Variants in HECW1 observed in about 807,000 individuals in gnomAD.
The protein encoded by HECW1 is HECT, C2 and WW domain containing E3 ubiquitin protein ligase 1, also known as E3 ubiquitin-protein ligase HECW1.
Under a neutral mutation model 182.3 loss-of-function variants are expected in HECW1, and 61 were observed. That is an observed-to-expected ratio of 0.33 (90% CI 0.27 to 0.41). The LOEUF (loss-of-function observed/expected upper bound fraction) is 0.41. Among genes scored for constraint, HECW1 ranks in the 10% least tolerant of loss-of-function variants. HECW1 has a pLI of 1.00. For missense variants in HECW1, 1,739 were observed against 2,108.9 expected (o/e 0.82, Z 3.44); for synonymous variants, 859 against 832.6 (o/e 1.03, Z -0.55).
chr7:43,558,039 G>A (rs115649153), intron 29 of HECW1, among the ~76,000 whole-genome samples: 2,131 of 152,298 alleles, frequency 0.014, 39 homozygotes, highest in African/African-American at 0.049. Context: ...GTCCATCCAC[G>A]TCACAGCGTG....
intron 17 of HECW1, 56 bp downstream of exon 17, chr7:43,479,800 C>A: frequency 6.2e-7 from 1 of 1,601,462 alleles, no homozygotes; most frequent in Non-Finnish European, 8.5e-7. Flanking sequence ...CTGCCTCTTC[C>A]ATGGGAGCAG....
intron 29 of HECW1, among the ~76,000 whole-genome samples, chr7:43,555,472 C>T (rs1330056089): frequency 6.6e-6 from 1 of 152,146 alleles, no homozygotes; most frequent in South Asian, 2.1e-4. Flanking sequence ...TGTGCATAGG[C>T]GCTATAGTGA....
At chr7:43,249,069 C>T (rs1465416022) in intron 3 of HECW1, 1 of 152,326 alleles carries the variant, frequency 6.6e-6, no homozygotes, top group Non-Finnish European at 1.5e-5. Flanking sequence ...AATCGCCTAG[C>T]GTGAGTCTTC....
chr7:43,547,103 A>T (rs2081595157), intron 26 of HECW1, among the ~76,000 whole-genome samples: 1 of 152,166 alleles, frequency 6.6e-6, no homozygotes, highest in African/African-American at 2.4e-5. Flanking sequence ...AAATTATCAA[A>T]CCGTCCTTTG....
chr7:43,232,804 A>G (rs933791590), intron 2 of HECW1, among the ~76,000 whole-genome samples: 2 of 152,244 alleles, frequency 1.3e-5, no homozygotes, highest in Non-Finnish European at 2.9e-5. Flanking sequence ...TCCAGAAGAG[A>G]GAAGACTTTA....
At chr7:43,331,706 C>T (rs1811515990) in intron 5 of HECW1, among the ~76,000 whole-genome samples, 4 of 152,082 alleles carry the variant, frequency 2.6e-5, no homozygotes, top group African/African-American at 9.7e-5. Context: ...ACGTTCTTGG[C>T]AAGGATGTTA....
intron 2 of HECW1, among the ~76,000 whole-genome samples, chr7:43,193,312 C>T (rs757019814): frequency 6.6e-6 from 1 of 152,158 alleles, no homozygotes; most frequent in Non-Finnish European, 1.5e-5. Context: ...AGAAACCAGT[C>T]CTGCCGAACT....
chr7:43,277,070 A>AGTCCTC (rs1323367657), intron 3 of HECW1, among the ~76,000 whole-genome samples: 4 of 152,160 alleles, frequency 2.6e-5, no homozygotes, highest in Non-Finnish European at 4.4e-5. Context: ...TCCTTTCTCT[A>AGTCCTC]GTCCTCCTCT....
intron 24 of HECW1, among the ~76,000 whole-genome samples, chr7:43,540,746 T>C (rs2081335767): frequency 6.6e-6 from 1 of 152,230 alleles, no homozygotes; most frequent in African/African-American, 2.4e-5. Context: ...TTAGGTAATG[T>C]AGATAAAATG....
At chr7:43,412,166 A>G (rs2075822340) in intron 8 of HECW1, among the ~76,000 whole-genome samples, 1 of 152,096 alleles carries the variant, frequency 6.6e-6, no homozygotes, top group Non-Finnish European at 1.5e-5. Context: ...CTATATTTTC[A>G]TGATCTACAT....
At chr7:43,317,398 G>A (rs1009665487) in intron 4 of HECW1, among the ~76,000 whole-genome samples, 3 of 152,244 alleles carry the variant, frequency 2.0e-5, no homozygotes, top group South Asian at 2.1e-4. Flanking sequence ...CAGCCCTTGC[G>A]AGTGAGGCAA....
rs368656082 is a variant in HECW1 at position 43,312,116 on chromosome 7, C to G, written c.352+29C>G. 3.8e-5 allele frequency: 59 copies of G among 1,549,144 alleles called. No homozygotes were observed. The African/African-American group carries it at 5.4e-4, about 14-fold the overall frequency. On this transcript the variant is annotated intron_variant, in intron 4 of 29. Coordinates refer to ENST00000395891, the MANE Select transcript of HECW1 (RefSeq NM_015052.5). ...AGTAGAATGTGCCAAGTGTATTATT[C>G]ATAATTCACTTTTACATATGCTGTC...
chr7:43,403,379 T>C (rs1028008905), intron 7 of HECW1, among the ~76,000 whole-genome samples: 1 of 152,262 alleles, frequency 6.6e-6, no homozygotes, highest in Admixed American at 6.5e-5. Context: ...GGCTATGGTA[T>C]GGTAGATAGA....
At chr7:43,215,882 G>A (rs1419634466) in intron 2 of HECW1, among the ~76,000 whole-genome samples, 1 of 152,160 alleles carries the variant, frequency 6.6e-6, no homozygotes, top group Non-Finnish European at 1.5e-5. Flanking sequence ...GCTTTGTTCT[G>A]GTCACTGCTG....
chr7:43,180,064 G>T (rs1349409406), intron 2 of HECW1, among the ~76,000 whole-genome samples: 1 of 98,034 alleles, frequency 1.0e-5, no homozygotes, highest in Non-Finnish European at 2.0e-5. Context: ...AACTGCACTT[G>T]CCAGTTTACG....
At chr7:43,287,681 A>C (rs1584336941) in intron 3 of HECW1, among the ~76,000 whole-genome samples, 1 of 152,140 alleles carries the variant, frequency 6.6e-6, no homozygotes, top group East Asian at 1.9e-4. Context: ...CTCTGTGGAG[A>C]GCAGAATGTA....
intron 2 of HECW1, among the ~76,000 whole-genome samples, chr7:43,139,582 G>A (rs1005450644): frequency 6.6e-6 from 1 of 151,958 alleles, no homozygotes. Flanking sequence ...CACATGATTC[G>A]TGCCATTTTA....
intron 2 of HECW1, chr7:43,118,210 G>A (rs1050284891): frequency 6.6e-6 from 1 of 152,472 alleles, no homozygotes; most frequent in African/African-American, 2.4e-5. Context: ...CAGATGTCAG[G>A]GAAATATCAT....
At chr7:43,234,567 C>A (rs886853543) in intron 2 of HECW1, among the ~76,000 whole-genome samples, 6 of 152,112 alleles carry the variant, frequency 3.9e-5, no homozygotes, top group Non-Finnish European at 7.4e-5. Context: ...TCCTTTTCTT[C>A]CTTCAGGTCT....
Sources: allele counts gnomAD v4.1 joint callset (sites outside exome capture counted in the v4.1 genomes callset), GRCh38; gene constraint gnomAD v4.1.1; transcripts MANE v1.5; gene names NCBI Gene and HGNC (gene_info 2026-07-23, HGNC 2026-07-21).